The following ITGA2 variants were observed in gnomAD, a reference collection of about 807,000 sequenced individuals.
ITGA2 encodes the protein integrin subunit alpha 2.
Under a neutral mutation model 146.3 loss-of-function variants are expected in ITGA2, and 101 were observed. The ratio of observed to expected loss-of-function variants is 0.69; its 90% CI spans 0.59 to 0.81. ITGA2 has a LOEUF of 0.81. ITGA2 is among the 40% of genes least tolerant of loss of function. ITGA2 has a pLI of 0.00. For synonymous variants in ITGA2, 477 were observed against 487.1 expected, an observed-to-expected ratio of 0.98 and a Z score of 0.27; for missense variants, 1,281 against 1,402.7, an observed-to-expected ratio of 0.91 and a Z score of 1.39.
Position 53,070,131 on chromosome 5 carries a change from T to C in ITGA2, c.2106T>C (p.Leu702=). The C allele has an allele frequency of 1.9e-6, 3 of 1,611,146 alleles. No individual in the cohort carries two copies. The highest frequency in any genetic ancestry group is 2.5e-6 in the Non-Finnish European group (3 of 1,177,998). The stretch of plus-strand genomic sequence containing the variant: ...TAGCCATTGTATATAACATCACACT[T>C]GATGCAGATGGATTTTCATCCAGAG... The part of the protein sequence containing the change: ...NQVAIVYNIT[L]DADGFSSRVT... Residue 702 remains leucine, a synonymous_variant, in exon 17 of 30, where the codon CTT becomes CTC. Transcript: ENST00000296585.
chr5:53,031,708 G>A (rs970796358), intron 2 of ITGA2, among the ~76,000 whole-genome samples: 2 of 152,186 alleles, frequency 1.3e-5, no homozygotes, highest in African/African-American at 4.8e-5. Context: ...TCTCAAGTGA[G>A]CGGGATAATT....
chr5:53,019,805 C>T (rs1471168235), intron 1 of ITGA2, among the ~76,000 whole-genome samples: 4 of 152,100 alleles, frequency 2.6e-5, no homozygotes, highest in South Asian at 2.1e-4. Context: ...GGATTACAGG[C>T]GTGAGCCACC....
chr5:53,010,701 A>G (rs1742081128), intron 1 of ITGA2, among the ~76,000 whole-genome samples: 1 of 152,168 alleles, frequency 6.6e-6, no homozygotes, highest in South Asian at 2.1e-4. Context: ...ACCTTAAAGA[A>G]TGTATTTTGC....
At chr5:53,062,428 TTATAAG>T (rs780463400) in intron 12 of ITGA2, among the ~76,000 whole-genome samples, 6 of 151,898 alleles carry the variant, frequency 4.0e-5, no homozygotes, top group African/African-American at 4.8e-5. Context: ...AAGGTTTGCC[TTATAAG>T]TATGTCTTTG....
chr5:53,023,033 T>G (rs1742766508), intron 1 of ITGA2, among the ~76,000 whole-genome samples: 1 of 152,238 alleles, frequency 6.6e-6, no homozygotes, highest in Non-Finnish European at 1.5e-5. Flanking sequence ...TTTGGCCTGG[T>G]TACTGTCAAC....
At chr5:53,054,582 C>T (rs575776270) in intron 7 of ITGA2, among the ~76,000 whole-genome samples, 4 of 152,058 alleles carry the variant, frequency 2.6e-5, no homozygotes, top group East Asian at 1.9e-4. Context: ...AATGGGGAAC[C>T]GGTTAAATAA....
intron 1 of ITGA2, among the ~76,000 whole-genome samples, chr5:53,005,324 T>G (rs1252307778): frequency 2.0e-5 from 3 of 152,104 alleles, no homozygotes; most frequent in Admixed American, 6.6e-5. Context: ...ATATACTTTT[T>G]ATGTTAGAGA....
In ITGA2 at chr5:53,062,820, T is replaced by C. The variant is rs557757619; in HGVS notation, c.1493T>C (p.Val498Ala). The stretch of plus-strand genomic sequence containing the variant: ...TATTTTGGTAGTGTGCTGTGTTCAG[T>C]TGATGTGGATAAAGACACCATTACA... The part of the protein sequence containing the change: ...GSYFGSVLCS[V>A]DVDKDTITDV... The change falls in exon 13 of 30, where the codon GTT becomes GCT. Residue 498 changes from valine (V) to alanine (A), a missense_variant. Physicochemically the swap from Val to Ala is moderately conservative, Grantham distance 64. Coordinates refer to ENST00000296585, the MANE Select transcript of ITGA2 (RefSeq NM_002203.4). 1 of 1,611,862 alleles carries C rather than the reference T, an allele frequency of 6.2e-7. No homozygotes were observed. Among genetic ancestry groups the C allele is most frequent in the Non-Finnish European group, 8.5e-7 (1 of 1,178,470 alleles).
chr5:53,044,970 T>C (rs1472758985), intron 3 of ITGA2, 31 bp from the exon 4 acceptor site: 1 of 1,499,874 alleles, frequency 6.7e-7, no homozygotes, highest in South Asian at 1.1e-5. Context: ...GAATTTTTAA[T>C]CACTTTTAAA....
chr5:52,989,486 AG>A lies in ITGA2; in HGVS notation c.22del (p.Ala8ProfsTer10), dbSNP rs1740804149. The A allele has an allele frequency of 6.2e-7, 1 of 1,614,152 alleles. No individual in the cohort carries two copies. The highest frequency in any genetic ancestry group is 8.5e-7 in the Non-Finnish European group (1 of 1,179,996). On this transcript the variant is annotated frameshift_variant, in exon 1 of 30. Coordinates refer to ENST00000296585, the MANE Select transcript of ITGA2 (RefSeq NM_002203.4). LOFTEE classifies it high-confidence loss of function. MGPERTGAAPLPLLLVL... is the reference protein window; with the variant it reads MGPERTXAAPLPLLLVL... ...GACCCAGGATGGGGCCAGAACGGAC[AG>A]GGGCCGCGCCGCTGCCGCTGCTGCT...
At chr5:53,006,666 AAT>A (rs751280327) in intron 1 of ITGA2, among the ~76,000 whole-genome samples, 2 of 152,184 alleles carry the variant, frequency 1.3e-5, no homozygotes, top group African/African-American at 2.4e-5. Context: ...CAGTGAACAA[AAT>A]AGACACAGCC....
intron 2 of ITGA2, among the ~76,000 whole-genome samples, chr5:53,034,142 A>G (rs1411066846): frequency 6.6e-6 from 1 of 152,076 alleles, no homozygotes; most frequent in African/African-American, 2.4e-5. Context: ...AACTTAGTCC[A>G]GTGTTTGATT....
intron 16 of ITGA2, among the ~76,000 whole-genome samples, chr5:53,067,747 G>T (rs1267550868): frequency 6.6e-6 from 1 of 151,898 alleles, no homozygotes; most frequent in Non-Finnish European, 1.5e-5. Flanking sequence ...TGTTTTAAAT[G>T]TTCTAAATAA....
At chr5:53,009,294 T>A (rs1742009692) in intron 1 of ITGA2, among the ~76,000 whole-genome samples, 1 of 152,128 alleles carries the variant, frequency 6.6e-6, no homozygotes, top group South Asian at 2.1e-4. Context: ...CCTATGAGTA[T>A]TACCTTATCT....
At chr5:53,020,055 A>T (rs951818025) in intron 1 of ITGA2, among the ~76,000 whole-genome samples, 2 of 152,162 alleles carry the variant, frequency 1.3e-5, no homozygotes, top group Non-Finnish European at 2.9e-5. Context: ...GGATGGGAGG[A>T]TCTTAGAACA....
chr5:53,001,521 T>C (rs1168569215), intron 1 of ITGA2, among the ~76,000 whole-genome samples: 1 of 152,182 alleles, frequency 6.6e-6, no homozygotes, highest in Non-Finnish European at 1.5e-5. Flanking sequence ...TCAGATCCTT[T>C]TTAGGATTGG....
Position 53,090,836 on chromosome 5 carries a change from A to C in ITGA2, c.*237A>C. ...AAATACCTATTTTATATGATGGGGGAAAAAAAGTAATCTTTAAACTGGCTG... is the reference window on the plus strand; with the variant it reads ...AAATACCTATTTTATATGATGGGGGCAAAAAAGTAATCTTTAAACTGGCTG... On this transcript the variant is annotated 3_prime_UTR_variant, in exon 30 of 30. Transcript: ENST00000296585. The C allele has an allele frequency of 1.7e-6, 1 of 598,758 alleles. No homozygotes were observed. The highest frequency in any genetic ancestry group is 2.0e-5 in the South Asian group (1 of 48,890). 37.1% of individuals were successfully genotyped at this position (598,758 alleles called of 1,614,324 possible).
chr5:53,066,017 A>G, intron 15 of ITGA2, 40 bp downstream of exon 15: 1 of 1,592,828 alleles, frequency 6.3e-7, no homozygotes, highest in Non-Finnish European at 8.6e-7. Flanking sequence ...ACTAAAAATT[A>G]CCTGCTAAGA....
chr5:52,993,438 A>T (rs1741070975), intron 1 of ITGA2, among the ~76,000 whole-genome samples: 1 of 152,204 alleles, frequency 6.6e-6, no homozygotes, highest in Non-Finnish European at 1.5e-5. Flanking sequence ...TTGCTTAAAT[A>T]TCATCACTGC....
Sources: gnomAD v4.1 joint callset for allele counts (sites outside exome capture counted in the v4.1 genomes callset) on GRCh38, gnomAD v4.1.1 for gene constraint, MANE v1.5 for transcripts, NCBI Gene and HGNC (gene_info 2026-07-23, HGNC 2026-07-21) for gene names.